The following WDFY2 variants were observed in gnomAD, a reference collection of about 807,000 sequenced individuals.
WDFY2 encodes the protein WD repeat and FYVE domain containing 2, also known as WD repeat and FYVE domain-containing protein 2.
A neutral mutation model predicts 56.4 loss-of-function variants in WDFY2; 36 were observed. The ratio of observed to expected loss-of-function variants is 0.64; its 90% CI spans 0.49 to 0.84. The LOEUF (loss-of-function observed/expected upper bound fraction) is 0.84, where lower values mean the gene tolerates loss of function less well. Ranked by LOEUF, WDFY2 falls within the 40% of genes least tolerant of loss-of-function variation. The pLI, the probability that WDFY2 is intolerant of heterozygous loss-of-function variation, is 0.00. For missense variants in WDFY2, 444 were observed against 512.2 expected (o/e 0.87, Z 1.29); for synonymous variants, 176 against 183.7 (o/e 0.96, Z 0.34).
At position 51,584,540 on chromosome 13, in the gene WDFY2, G is replaced by A; in HGVS notation, c.-148G>A. ...GGAGCGCGGAGTCGTTCCCGAGAGA[G>A]GCGGCCAGGCTATGCTCGCCGGTTT... On this transcript the variant is annotated 5_prime_UTR_variant, in exon 1 of 12. Coordinates refer to ENST00000298125, the MANE Select transcript of WDFY2 (RefSeq NM_052950.4). 8.8e-7 allele frequency: 1 copy of A among 1,142,030 alleles called. No individual in the cohort carries two copies. The highest frequency in any genetic ancestry group is 2.7e-5 in the East Asian group (1 of 37,242). 70.7% of individuals were successfully genotyped at this position (1,142,030 alleles called of 1,614,324 possible).
rs778654989 is a variant in WDFY2, at chr13:51,694,427, T to C, written c.280-9169T>C. Among the ~76,000 whole-genome samples the C allele has an allele frequency of 6.3e-3, 960 of 152,326 alleles. 13 individuals carry two copies. Among genetic ancestry groups the C allele is most frequent in the East Asian group, 0.021 (110 of 5,188 alleles). The stretch of plus-strand genomic sequence containing the variant: ...TTGCTTGTCTGTAAAGTATTTTATT[T>C]CTCCTTCACTTATGAAGTTTAGTTT... On this transcript the variant is annotated intron_variant, in intron 3 of 11. Coordinates refer to ENST00000298125, the MANE Select transcript of WDFY2 (RefSeq NM_052950.4).
At chr13:51,594,010 T>C (rs962824176) in intron 1 of WDFY2, 2 of 152,296 alleles carry the variant, frequency 1.3e-5, no homozygotes, top group South Asian at 2.1e-4. Flanking sequence ...AGTTTTGACA[T>C]GCTCTGTTTC....
intron 2 of WDFY2, among the ~76,000 whole-genome samples, chr13:51,674,136 A>G (rs1474620272): frequency 1.3e-5 from 2 of 152,172 alleles, no homozygotes; most frequent in Admixed American, 6.5e-5. Context: ...AGTGTTTCCT[A>G]TGTGACCTTG....
chr13:51,621,091 G>A (rs1954717363), intron 1 of WDFY2, among the ~76,000 whole-genome samples: 1 of 152,180 alleles, frequency 6.6e-6, no homozygotes, highest in African/African-American at 2.4e-5. Flanking sequence ...TAAACTTTCT[G>A]TCCTCTTCTC....
chr13:51,584,586 G>T lies in WDFY2; in HGVS notation c.-102G>T. 7.0e-7 allele frequency: 1 copy of T among 1,422,560 alleles called. No individual in the cohort carries two copies. The highest frequency in any genetic ancestry group is 9.2e-7 in the Non-Finnish European group (1 of 1,081,542). The allele number at this position is 1,422,560 out of a possible 1,614,324, so 88.1% of individuals were successfully genotyped here. The stretch of plus-strand genomic sequence containing the variant: ...GGTTTCCGGCGTTCCGCTCCGGCCA[G>T]CCAGAGTCTCTGTCTCAACCTGTGT... On this transcript the variant is annotated 5_prime_UTR_variant, in exon 1 of 12. Coordinates refer to ENST00000298125, the MANE Select transcript of WDFY2 (RefSeq NM_052950.4).
At chr13:51,758,157 C>T in intron 10 of WDFY2, 35 bp from the exon 11 acceptor site, 2 of 1,505,888 alleles carry the variant, frequency 1.3e-6, no homozygotes, top group Non-Finnish European at 1.8e-6. Flanking sequence ...ATGTCACCAC[C>T]TTTTCCCCTC....
chr13:51,647,440 T>C (rs1955283251), intron 1 of WDFY2, among the ~76,000 whole-genome samples: 1 of 152,078 alleles, frequency 6.6e-6, no homozygotes, highest in Non-Finnish European at 1.5e-5. Context: ...ATAAAAAGCG[T>C]AAGGTAAAAA....
At chr13:51,636,726 T>A (rs1955061565) in intron 1 of WDFY2, among the ~76,000 whole-genome samples, 1 of 152,024 alleles carries the variant, frequency 6.6e-6, no homozygotes, top group Admixed American at 6.5e-5. Flanking sequence ...TACATGTGAG[T>A]GAGATCACTT....
chr13:51,656,742 C>G (rs1405137913), intron 1 of WDFY2, among the ~76,000 whole-genome samples: 1 of 151,856 alleles, frequency 6.6e-6, no homozygotes, highest in African/African-American at 2.4e-5. Context: ...GTGTCCTTGT[C>G]TCTTGTAATA....
chr13:51,628,472 G>A (rs1954881092), intron 1 of WDFY2, among the ~76,000 whole-genome samples: 1 of 152,232 alleles, frequency 6.6e-6, no homozygotes, highest in Non-Finnish European at 1.5e-5. Context: ...GTCCAGGGAT[G>A]CTCGTGTCTG....
At chr13:51,756,523 C>T in intron 10 of WDFY2, 61 bp downstream of exon 10, 1 of 1,551,308 alleles carries the variant, frequency 6.4e-7, no homozygotes, top group Non-Finnish European at 8.7e-7. Context: ...CTGAGCCTTG[C>T]ACTCAGCGCC....
chr13:51,667,024 T>G (rs1224386023), intron 2 of WDFY2, among the ~76,000 whole-genome samples: 2 of 152,212 alleles, frequency 1.3e-5, no homozygotes, highest in East Asian at 3.8e-4. Context: ...GCTGAATCAC[T>G]TTGGGCAAGT....
At chr13:51,708,422 T>A (rs1952135544) in intron 4 of WDFY2, among the ~76,000 whole-genome samples, 1 of 151,868 alleles carries the variant, frequency 6.6e-6, no homozygotes, top group Admixed American at 6.6e-5. Flanking sequence ...GAAGTTACAG[T>A]GAGCTGTGCC....
At chr13:51,589,142 T>C (rs752986750) in intron 1 of WDFY2, 1 of 152,178 alleles carries the variant, frequency 6.6e-6, no homozygotes, top group Non-Finnish European at 1.5e-5. Flanking sequence ...AAAGGAGATA[T>C]GCATTATATG....
intron 3 of WDFY2, among the ~76,000 whole-genome samples, chr13:51,702,990 C>T (rs569568907): frequency 3.3e-5 from 5 of 152,128 alleles, no homozygotes; most frequent in South Asian, 4.2e-4. Context: ...ATATATAATG[C>T]GCGATACAGA....
At chr13:51,667,512 G>A (rs570346274) in intron 2 of WDFY2, among the ~76,000 whole-genome samples, 2 of 152,312 alleles carry the variant, frequency 1.3e-5, no homozygotes, top group Non-Finnish European at 2.9e-5. Flanking sequence ...GGGTATATTA[G>A]TGGTATTATA....
At position 51,688,638 on chromosome 13, in the gene WDFY2, C is replaced by G. The variant is rs75519621; in HGVS notation, c.279+13395C>G. On this transcript the variant is annotated intron_variant, in intron 3 of 11. Coordinates refer to ENST00000298125, the MANE Select transcript of WDFY2 (RefSeq NM_052950.4). ...TACAAACTCTAAAACTCCACAAAAT[C>G]CAAAACTTAACAACCAAAGATCCAA... Among the ~76,000 whole-genome samples, 1,070 of 152,238 alleles carry G rather than the reference C, an allele frequency of 7.0e-3. 10 individuals carry two copies. The highest frequency in any genetic ancestry group is 0.023 in the African/African-American group (942 of 41,544).
At chr13:51,730,170 G>C (rs571453658) in intron 6 of WDFY2, among the ~76,000 whole-genome samples, 2 of 152,296 alleles carry the variant, frequency 1.3e-5, no homozygotes, top group Non-Finnish European at 2.9e-5. Context: ...TTTCTTAAAA[G>C]AATATAATTT....
chr13:51,609,565 C>T (rs1954450651), intron 1 of WDFY2, among the ~76,000 whole-genome samples: 1 of 143,658 alleles, frequency 7.0e-6, no homozygotes, highest in African/African-American at 2.5e-5. Context: ...CATCAAAAAA[C>T]AAAACAAAAC....
Sources: allele counts gnomAD v4.1 joint callset (sites outside exome capture counted in the v4.1 genomes callset), GRCh38; gene constraint gnomAD v4.1.1; transcripts MANE v1.5; gene names NCBI Gene and HGNC (gene_info 2026-07-23, HGNC 2026-07-21).